Variants in THSD7A observed in about 807,000 individuals in gnomAD.
The protein encoded by THSD7A is thrombospondin type-1 domain-containing protein 7A.
Under a neutral mutation model 231.3 loss-of-function variants are expected in THSD7A, and 96 were observed. The observed-to-expected ratio is 0.41, with a 90% CI of 0.35 to 0.49. The LOEUF (loss-of-function observed/expected upper bound fraction) is 0.49. THSD7A is among the 20% of genes least tolerant of loss of function. THSD7A has a pLI of 0.05. For synonymous variants in THSD7A, 940 were observed against 743.3 expected, an observed-to-expected ratio of 1.26 and a Z score of -4.30; for missense variants, 2,290 against 2,070.2, an observed-to-expected ratio of 1.11 and a Z score of -2.06.
intron 1 of THSD7A, among the ~76,000 whole-genome samples, chr7:11,641,249 G>A (rs1364048116): frequency 6.6e-6 from 1 of 151,964 alleles, no homozygotes; most frequent in African/African-American, 2.4e-5. Context: ...TAATTTAATG[G>A]AATAACCTGT....
At chr7:11,710,224 C>T (rs1780905673) in intron 1 of THSD7A, among the ~76,000 whole-genome samples, 1 of 149,460 alleles carries the variant, frequency 6.7e-6, no homozygotes, top group Non-Finnish European at 1.5e-5. Context: ...AGGGAAAAAG[C>T]GTTGAGAATC....
chr7:11,400,924 C>A (rs1030690796), intron 23 of THSD7A, among the ~76,000 whole-genome samples: 20 of 152,104 alleles, frequency 1.3e-4, no homozygotes, highest in African/African-American at 4.8e-4. Flanking sequence ...TTCGAGTCTT[C>A]GGGTGTTGTT....
At chr7:11,752,804 T>C (rs1390865340) in intron 1 of THSD7A, among the ~76,000 whole-genome samples, 1 of 151,982 alleles carries the variant, frequency 6.6e-6, no homozygotes, top group Non-Finnish European at 1.5e-5. Flanking sequence ...CATATGCCTG[T>C]AGTCCCAGCT....
At chr7:11,751,521 T>C (rs939959277) in intron 1 of THSD7A, among the ~76,000 whole-genome samples, 2 of 151,922 alleles carry the variant, frequency 1.3e-5, no homozygotes, top group Non-Finnish European at 2.9e-5. Flanking sequence ...TGATCTGGCA[T>C]ATAAAGAGAG....
chr7:11,416,044 A>T (rs1187298740), intron 17 of THSD7A, among the ~76,000 whole-genome samples: 1 of 152,070 alleles, frequency 6.6e-6, no homozygotes. Flanking sequence ...GTTAAATTTA[A>T]TTTTTCTGAG....
intron 6 of THSD7A, among the ~76,000 whole-genome samples, chr7:11,530,268 A>T (rs184081210): frequency 1.3e-5 from 2 of 152,248 alleles, no homozygotes; most frequent in East Asian, 3.9e-4. Flanking sequence ...AGGCATACTG[A>T]GATGTTAATA....
intron 2 of THSD7A, among the ~76,000 whole-genome samples, chr7:11,635,672 C>T (rs1448640363): frequency 6.6e-6 from 1 of 151,990 alleles, no homozygotes; most frequent in Non-Finnish European, 1.5e-5. Context: ...GGTATAGCTC[C>T]CTGGGTTGTT....
In THSD7A at chr7:11,642,142, T is replaced by A. The variant is rs1195508913; in HGVS notation, c.191-5181A>T. On this transcript the variant is annotated intron_variant, in intron 1 of 27. Transcript: ENST00000423059. Reference sequence around the variant, plus strand: ...AAACTCTATCAAGGAAAATATGAAATCCTCTACCAATTACAATGTGACAGT... The same window carrying A: ...AAACTCTATCAAGGAAAATATGAAAACCTCTACCAATTACAATGTGACAGT... 5.9e-5 allele frequency among the ~76,000 whole-genome samples: 9 copies of A among 152,176 alleles called. No individual in the cohort carries two copies. The South Asian group carries it at 6.2e-4, about 10-fold the overall frequency.
In THSD7A at chr7:11,801,074, G is replaced by T. The variant is rs145325838; in HGVS notation, c.190+30683C>A. Among the ~76,000 whole-genome samples the T allele has an allele frequency of 2.2e-3, 330 of 152,172 alleles. 1 individual carries two copies. Among genetic ancestry groups the T allele is most frequent in the Middle Eastern group, 0.02 (6 of 294 alleles). On this transcript the variant is annotated intron_variant, in intron 1 of 27. Transcript: ENST00000423059. ...CCTAGCACTTTGGGAGGCTGAGGTG[G>T]GAGGATCTCTTGGGCCCAGGAATTC... is the stretch of plus-strand genomic sequence containing the variant.
intron 1 of THSD7A, among the ~76,000 whole-genome samples, chr7:11,645,557 TCTGA>T (rs1051173401): frequency 4.0e-5 from 6 of 151,818 alleles, no homozygotes; most frequent in African/African-American, 1.4e-4. Flanking sequence ...AAGGCAAACT[TCTGA>T]CTATTTTTTC....
At chr7:11,452,469 G>T (rs999818804) in intron 11 of THSD7A, among the ~76,000 whole-genome samples, 2 of 152,020 alleles carry the variant, frequency 1.3e-5, no homozygotes, top group Non-Finnish European at 2.9e-5. Context: ...GGAAAGAAAT[G>T]TACCTTCATT....
intron 19 of THSD7A, 26 bp from the exon 20 acceptor site, chr7:11,407,449 T>A (rs1486442668): frequency 1.3e-6 from 2 of 1,567,356 alleles, no homozygotes; most frequent in East Asian, 2.3e-5. Flanking sequence ...TAGATCAGGA[T>A]GTATATTGTA....
At chr7:11,773,492 TGC>T (rs1783303982) in intron 1 of THSD7A, among the ~76,000 whole-genome samples, 1 of 151,924 alleles carries the variant, frequency 6.6e-6, no homozygotes, top group Non-Finnish European at 1.5e-5. Context: ...ATCGAGCCAT[TGC>T]AAACTCCAGC....
chr7:11,669,709 A>G (rs1361775239), intron 1 of THSD7A, among the ~76,000 whole-genome samples: 1 of 152,044 alleles, frequency 6.6e-6, no homozygotes, highest in Non-Finnish European at 1.5e-5. Flanking sequence ...TACATAAATG[A>G]GTCATAACTA....
At chr7:11,460,554 A>G (rs1228084605) in intron 11 of THSD7A, 108 bp downstream of exon 11, 4 of 751,382 alleles carry the variant, frequency 5.3e-6, no homozygotes, top group Non-Finnish European at 8.4e-6. Context: ...GCAGATTTAT[A>G]TCTGCTTTGC....
intron 1 of THSD7A, among the ~76,000 whole-genome samples, chr7:11,687,525 C>T (rs549282646): frequency 4.1e-4 from 62 of 151,934 alleles, no homozygotes; most frequent in African/African-American, 1.4e-3. Flanking sequence ...CAGTAGAAGA[C>T]TGAAGAAAAA....
intron 11 of THSD7A, among the ~76,000 whole-genome samples, chr7:11,455,115 C>T (rs1785265164): frequency 6.6e-6 from 1 of 151,464 alleles, no homozygotes; most frequent in African/African-American, 2.4e-5. Context: ...TCTCTCACTC[C>T]CCTTGCTTTC....
At chr7:11,490,468 G>A (rs1786841938) in intron 6 of THSD7A, among the ~76,000 whole-genome samples, 1 of 151,994 alleles carries the variant, frequency 6.6e-6, no homozygotes, top group Non-Finnish European at 1.5e-5. Context: ...CAGACAAAAA[G>A]GGTATGTGTG....
At chr7:11,418,191 T>C (rs1283889035) in intron 16 of THSD7A, among the ~76,000 whole-genome samples, 1 of 152,228 alleles carries the variant, frequency 6.6e-6, no homozygotes, top group Non-Finnish European at 1.5e-5. Context: ...TCCCTTCTGC[T>C]GTGAATCTTA....
Sources: gnomAD v4.1 joint callset for allele counts (sites outside exome capture counted in the v4.1 genomes callset) on GRCh38, gnomAD v4.1.1 for gene constraint, MANE v1.5 for transcripts, NCBI Gene and HGNC (gene_info 2026-07-23, HGNC 2026-07-21) for gene names.